TAF5: variants seen among roughly 807,000 people sequenced by gnomAD.
TAF5 encodes TATA-box binding protein associated factor 5, also known as transcription initiation factor TFIID subunit 5.
In TAF5, 20 loss-of-function variants were observed where a neutral mutation model predicts 80.9. The observed-to-expected ratio is 0.25, with a 90% CI of 0.17 to 0.36. The LOEUF (loss-of-function observed/expected upper bound fraction) is 0.36. TAF5 is among the 10% of genes least tolerant of loss of function. TAF5 has a pLI of 1.00. For synonymous variants in TAF5, 388 were observed against 406.4 expected (o/e 0.95, Z 0.55); for missense variants, 863 against 1,029.4 (o/e 0.84, Z 2.21).
At chr10:103,368,713 A>G (rs992507161) in intron 1 of TAF5, among the ~76,000 whole-genome samples, 165 bp downstream of exon 1, 1 of 152,192 alleles carries the variant, frequency 6.6e-6, no homozygotes, top group African/African-American at 2.4e-5. Flanking sequence ...TGCGCAGTCA[A>G]ACCCCCTTCC....
chr10:103,387,428 A>G, intron 9 of TAF5, 76 bp downstream of exon 9: 1 of 1,550,630 alleles, frequency 6.4e-7, no homozygotes, highest in Non-Finnish European at 8.7e-7. Flanking sequence ...AGTGACACAT[A>G]AATTTTAAAG....
In TAF5 at chr10:103,385,355, G is replaced by A; in HGVS notation, c.1694G>A (p.Gly565Glu). 1 of 1,613,174 alleles carries A rather than the reference G, an allele frequency of 6.2e-7. No homozygotes were observed. Residue 565 changes from glycine to glutamate, a missense_variant, in exon 8 of 11, where the codon GGA (glycine) becomes GAA (glutamate). Gly to Glu is a moderately conservative substitution (Grantham distance 98). This residue lies in a region of TAF5 where 368 missense variants were observed against 461.7 expected (regional missense o/e 0.80). Coordinates refer to ENST00000369839, the MANE Select transcript of TAF5 (RefSeq NM_006951.5). ...TATCTGCTTTCCTCTTCAGAGGACG[G>A]AACTGTTAGATTGTGGAGCCTTCAA... ...RNYLLSSSED[G>E]TVRLWSLQTF...
chr10:103,383,639 C>T (rs544052757), intron 7 of TAF5, among the ~76,000 whole-genome samples: 4 of 143,582 alleles, frequency 2.8e-5, no homozygotes, highest in South Asian at 2.2e-4. Context: ...AGTGCAATGG[C>T]GTGATCTTGG....
At position 103,379,902 on chromosome 10, in the gene TAF5, G is replaced by C. The variant is rs781225604; in HGVS notation, c.1296G>C (p.Leu432Phe). The C allele has an allele frequency of 1.2e-6, 2 of 1,612,006 alleles. No individual in the cohort carries two copies. Among genetic ancestry groups the C allele is most frequent in the African/African-American group, 2.7e-5 (2 of 74,898 alleles). Residue 432 changes from leucine to phenylalanine, a missense_variant, in exon 5 of 11, where the codon TTG becomes TTC. Physicochemically the swap from Leu to Phe is conservative, Grantham distance 22. This residue lies in a region of TAF5 where 368 missense variants were observed against 461.7 expected (regional missense o/e 0.80). Coordinates refer to ENST00000369839, the MANE Select transcript of TAF5 (RefSeq NM_006951.5). The stretch of plus-strand genomic sequence containing the variant: ...TTCACAGAATCCCTCTTCCTGAGTT[G>C]AAAGATTCAGATAAGTTGGATAAGA... ...PPQNRIPLPE[L>F]KDSDKLDKIM...
At position 103,383,483 on chromosome 10, in the gene TAF5, T is replaced by A. The variant is rs771532311; in HGVS notation, c.1664+116T>A. On this transcript the variant is annotated intron_variant, in intron 7 of 10. Coordinates refer to ENST00000369839, the MANE Select transcript of TAF5 (RefSeq NM_006951.5). ...AAAATTCTGATAAAAATCTCATGGT[T>A]GTCTGACGTTCATCATCTTTTAGAA... The A allele has an allele frequency of 1.8e-4, 180 of 1,011,390 alleles. 2 individuals are homozygous for A. Among genetic ancestry groups the A allele is most frequent in the Non-Finnish European group, 3.8e-5 (28 of 728,612 alleles). The allele number at this position is 1,011,390 out of a possible 1,614,324, so 62.7% of individuals were successfully genotyped here. A position where few individuals can be genotyped will look rare whatever the true frequency, so the allele number is the denominator to read the frequency against.
chr10:103,381,542 C>T (rs1416999552), intron 5 of TAF5, among the ~76,000 whole-genome samples, 179 bp from the exon 6 acceptor site: 1 of 152,140 alleles, frequency 6.6e-6, no homozygotes, highest in East Asian at 1.9e-4. Flanking sequence ...GTTGGGATTA[C>T]AGGCATGAGC....
In TAF5 at chr10:103,368,508, C is replaced by A. The variant is rs2093351016; in HGVS notation, c.519C>A (p.Val173=). The A allele has an allele frequency of 1.3e-6, 2 of 1,567,252 alleles. No individual in the cohort carries two copies. The highest frequency in any genetic ancestry group is 2.7e-5 in the African/African-American group (2 of 73,082). ...GCACTGGCGCTTCGGGGGCCACGGT[C>A]GTCTCAGGTTCAGCCTCAGGTCCTG... is the stretch of plus-strand genomic sequence containing the variant. ...PPGTGASGAT[V]VSGSASGPAA... The change falls in exon 1 of 11, where the codon GTC becomes GTA. Residue 173 remains valine (V), a synonymous_variant. Transcript: ENST00000369839.
chr10:103,387,008 T>C (rs1253383359), intron 8 of TAF5, among the ~76,000 whole-genome samples, 167 bp from the exon 9 acceptor site: 1 of 152,034 alleles, frequency 6.6e-6, no homozygotes, highest in African/African-American at 2.4e-5. Flanking sequence ...GATGAACTCT[T>C]AGGACTGTGA....
rs371102709 is a variant in TAF5 at position 103,387,373 on chromosome 10, T to G, written c.2007+21T>G. ...ACAAGGTATTTTACACTCTTACTAT[T>G]CCAGCATCCAAGGTTGCTTTCAAAA... On this transcript the variant is annotated intron_variant, in intron 9 of 10. Coordinates refer to ENST00000369839, the MANE Select transcript of TAF5 (RefSeq NM_006951.5). 3 of 1,588,554 alleles carry G rather than the reference T, an allele frequency of 1.9e-6. No homozygotes were observed. In the African/African-American group the frequency reaches 4.1e-5, roughly 22 times the overall value.
intron 8 of TAF5, among the ~76,000 whole-genome samples, 158 bp downstream of exon 8, chr10:103,385,648 G>A (rs2093394230): frequency 6.6e-6 from 1 of 152,116 alleles, no homozygotes. Context: ...ATTGGGGCCG[G>A]GCGCAGTGGC....
intron 1 of TAF5, among the ~76,000 whole-genome samples, chr10:103,369,330 C>T (rs1252946477): frequency 7.0e-6 from 1 of 142,608 alleles, no homozygotes; most frequent in Non-Finnish European, 1.5e-5. Context: ...CCCCCTGAAT[C>T]TCAGCTAAAA....
At chr10:103,383,208 T>TC in intron 6 of TAF5, 30 bp from the exon 7 acceptor site, 1 of 1,525,924 alleles carries the variant, frequency 6.6e-7, no homozygotes, top group Non-Finnish European at 8.8e-7. Flanking sequence ...AATGTACTTA[T>TC]AAAATATCAA....
chr10:103,388,682 C>T lies in TAF5; in HGVS notation c.*459C>T, dbSNP rs529599556. 29 of 154,868 alleles carry T rather than the reference C, an allele frequency of 1.9e-4. No individual in the cohort carries two copies. The highest frequency in any genetic ancestry group is 3.2e-4 in the Non-Finnish European group (22 of 69,762). 9.6% of individuals were successfully genotyped at this position (154,868 alleles called of 1,614,324 possible). A position where few individuals can be genotyped will look rare whatever the true frequency, so the allele number is the denominator to read the frequency against. On this transcript the variant is annotated 3_prime_UTR_variant, in exon 11 of 11. Coordinates refer to ENST00000369839, the MANE Select transcript of TAF5 (RefSeq NM_006951.5). ...CTCAAAAACTATGTTAAATGATCCA[C>T]TAACTTTTTTTTTCTTGGCCCATGA...
intron 1 of TAF5, among the ~76,000 whole-genome samples, chr10:103,370,720 T>C (rs956369403): frequency 2.0e-5 from 3 of 152,142 alleles, no homozygotes; most frequent in African/African-American, 7.2e-5. Context: ...CCCTCCTTTC[T>C]CCCAGCAACT....
At position 103,368,154 on chromosome 10, in the gene TAF5, G is replaced by T; in HGVS notation, c.165G>T (p.Ser55=). 1 of 1,393,894 alleles carries T rather than the reference G, an allele frequency of 7.2e-7. No homozygotes were observed. 86.3% of individuals were successfully genotyped at this position (1,393,894 alleles called of 1,614,324 possible). The change falls in exon 1 of 11, where the codon TCG becomes TCT. Residue 55 remains serine (S), a synonymous_variant. Coordinates refer to ENST00000369839, the MANE Select transcript of TAF5 (RefSeq NM_006951.5). ...GCGGCGGGAACGTTGCGGCGTCGTC[G>T]TCCACTGGCGGGGATGGCGGGACCC... is the stretch of plus-strand genomic sequence containing the variant. ...NGGGGNVAAS[S]STGGDGGTPK...
chr10:103,377,040 T>C (rs1443195403), intron 2 of TAF5, among the ~76,000 whole-genome samples: 1 of 152,168 alleles, frequency 6.6e-6, no homozygotes, highest in Non-Finnish European at 1.5e-5. Flanking sequence ...ACAGCAGTCC[T>C]AGCTACTCGG....
chr10:103,379,475 G>T, intron 3 of TAF5, 133 bp from the exon 4 acceptor site: 1 of 795,666 alleles, frequency 1.3e-6, no homozygotes, highest in Non-Finnish European at 1.9e-6. Flanking sequence ...AATGGCTATT[G>T]GGTAGACAAA....
At chr10:103,380,182 G>A (rs1394037590) in intron 5 of TAF5, among the ~76,000 whole-genome samples, 163 bp downstream of exon 5, 1 of 151,264 alleles carries the variant, frequency 6.6e-6, no homozygotes, top group Non-Finnish European at 1.5e-5. Flanking sequence ...CAGCTGGAGT[G>A]CAGTGGCGCG....
chr10:103,373,801 T>C (rs1300956049), intron 2 of TAF5, among the ~76,000 whole-genome samples: 1 of 152,178 alleles, frequency 6.6e-6, no homozygotes, highest in Non-Finnish European at 1.5e-5. Flanking sequence ...GAGGAAATGA[T>C]ACTTGAAGTG....
Sources: allele counts gnomAD v4.1 joint callset (sites outside exome capture counted in the v4.1 genomes callset), GRCh38; gene constraint gnomAD v4.1.1; regional missense constraint gnomAD v4.1.1; transcripts MANE v1.5; gene names NCBI Gene and HGNC (gene_info 2026-07-23, HGNC 2026-07-21).